The following SMAP1 variants were observed in gnomAD, a reference collection of about 807,000 sequenced individuals.
SMAP1 encodes stromal membrane-associated protein 1.
SMAP1 carries 24 observed loss-of-function variants against 58.5 expected under a neutral mutation model. The observed-to-expected ratio is 0.41, with a 90% confidence interval of 0.30 to 0.58. SMAP1 has a LOEUF of 0.58. Ranked by LOEUF, SMAP1 falls within the 20% of genes least tolerant of loss-of-function variation. The pLI is 0.29. For missense variants in SMAP1, 563 were observed against 566.3 expected (o/e 0.99, Z 0.06); for synonymous variants, 216 against 196.6 (o/e 1.10, Z -0.82).
chr6:70,813,599 C>CCT (rs1343736093), intron 6 of SMAP1, among the ~76,000 whole-genome samples: 2 of 151,962 alleles, frequency 1.3e-5, no homozygotes, highest in African/African-American at 2.4e-5. Context: ...CTACTCCCTC[C>CCT]CTCTCACCCA....
intron 7 of SMAP1, among the ~76,000 whole-genome samples, chr6:70,841,303 T>G (rs554253143): frequency 2.0e-5 from 3 of 152,294 alleles, no homozygotes; most frequent in Non-Finnish European, 4.4e-5. Flanking sequence ...GTGTACCACA[T>G]GCGCACTGCA....
intron 3 of SMAP1, among the ~76,000 whole-genome samples, chr6:70,762,601 A>G (rs1240990340): frequency 6.6e-6 from 1 of 152,084 alleles, no homozygotes; most frequent in Admixed American, 6.6e-5. Context: ...TCCTTGGGTG[A>G]CTCCATGGAA....
chr6:70,844,486 G>C (rs1052132079), intron 7 of SMAP1, among the ~76,000 whole-genome samples: 2 of 152,146 alleles, frequency 1.3e-5, no homozygotes, highest in Non-Finnish European at 2.9e-5. Flanking sequence ...TTTCCCTGCT[G>C]GCACAGTAGA....
At chr6:70,806,228 C>T (rs1317977594) in intron 6 of SMAP1, among the ~76,000 whole-genome samples, 1 of 152,214 alleles carries the variant, frequency 6.6e-6, no homozygotes, top group Non-Finnish European at 1.5e-5. Context: ...GATGCCTCTC[C>T]CCTGCCCAGC....
intron 7 of SMAP1, among the ~76,000 whole-genome samples, chr6:70,847,802 T>C (rs2150006443): frequency 6.6e-6 from 1 of 152,300 alleles, no homozygotes; most frequent in East Asian, 1.9e-4. Context: ...GGTGCATGTC[T>C]ACGGTGAATT....
At chr6:70,679,999 TATCTGTGGA>T (rs1766635507) in intron 1 of SMAP1, among the ~76,000 whole-genome samples, 2 of 152,178 alleles carry the variant, frequency 1.3e-5, no homozygotes, top group Admixed American at 6.5e-5. Flanking sequence ...AAGCTATAGT[TATCTGTGGA>T]ACATAATACG....
intron 6 of SMAP1, among the ~76,000 whole-genome samples, chr6:70,817,700 T>C (rs950132887): frequency 2.6e-5 from 4 of 152,186 alleles, no homozygotes; most frequent in African/African-American, 9.6e-5. Flanking sequence ...TCTTTGTTGA[T>C]TTTAAAGAGG....
chr6:70,789,583 T>G (rs1768248956), intron 4 of SMAP1, among the ~76,000 whole-genome samples: 1 of 146,700 alleles, frequency 6.8e-6, no homozygotes, highest in Admixed American at 6.7e-5. Flanking sequence ...TCATTTATTT[T>G]TCTTTTTTCT....
At chr6:70,691,207 C>G (rs1408240713) in intron 1 of SMAP1, among the ~76,000 whole-genome samples, 2 of 152,086 alleles carry the variant, frequency 1.3e-5, no homozygotes. Flanking sequence ...ATCAGCCATG[C>G]TAGAGATTTA....
At chr6:70,825,664 A>C (rs1400547145) in intron 6 of SMAP1, among the ~76,000 whole-genome samples, 1 of 152,242 alleles carries the variant, frequency 6.6e-6, no homozygotes, top group Non-Finnish European at 1.5e-5. Flanking sequence ...CAAGTTTAGC[A>C]GTACTGTAGC....
intron 2 of SMAP1, among the ~76,000 whole-genome samples, chr6:70,738,269 G>C (rs958128582): frequency 6.6e-6 from 1 of 152,094 alleles, no homozygotes; most frequent in African/African-American, 2.4e-5. Context: ...ATTATATCAT[G>C]GTTAGTGATG....
intron 1 of SMAP1, among the ~76,000 whole-genome samples, chr6:70,674,245 T>A (rs1766388284): frequency 6.6e-6 from 1 of 152,040 alleles, no homozygotes; most frequent in Non-Finnish European, 1.5e-5. Flanking sequence ...CTCAAGTAGC[T>A]GGGGCTACAG....
At chr6:70,699,029 C>G (rs1211289003) in intron 1 of SMAP1, among the ~76,000 whole-genome samples, 1 of 152,166 alleles carries the variant, frequency 6.6e-6, no homozygotes, top group African/African-American at 2.4e-5. Flanking sequence ...TGTCCTCATC[C>G]TTCTTGGGAA....
At chr6:70,839,672 A>T (rs1439148271) in intron 7 of SMAP1, among the ~76,000 whole-genome samples, 1 of 152,094 alleles carries the variant, frequency 6.6e-6, no homozygotes, top group East Asian at 1.9e-4. Context: ...CAAAGATAGG[A>T]GGAGTGGGAG....
intron 1 of SMAP1, among the ~76,000 whole-genome samples, chr6:70,680,722 T>TG (rs1193329891): frequency 1.4e-4 from 20 of 141,238 alleles, no homozygotes; most frequent in Non-Finnish European, 2.6e-4. Context: ...GTTTTTTTTT[T>TG]TTTTTTTTTT....
At chr6:70,680,126 A>ACAG (rs1766640294) in intron 1 of SMAP1, among the ~76,000 whole-genome samples, 1 of 151,934 alleles carries the variant, frequency 6.6e-6, no homozygotes, top group African/African-American at 2.4e-5. Context: ...AACAACAACA[A>ACAG]CAACAACAAC....
At chr6:70,812,592 A>C (rs1397450185) in intron 6 of SMAP1, among the ~76,000 whole-genome samples, 3 of 152,188 alleles carry the variant, frequency 2.0e-5, no homozygotes, top group African/African-American at 7.2e-5. Flanking sequence ...TGGAGACAGG[A>C]AAGAAATATT....
intron 4 of SMAP1, among the ~76,000 whole-genome samples, chr6:70,775,042 C>T (rs556567620): frequency 5.9e-4 from 90 of 151,470 alleles, no homozygotes; most frequent in African/African-American, 2.1e-3. Flanking sequence ...TTTCAAGTAT[C>T]ATTAGTGTGT....
intron 1 of SMAP1, among the ~76,000 whole-genome samples, chr6:70,729,386 C>T (rs901616793): frequency 6.6e-6 from 1 of 150,722 alleles, no homozygotes. Context: ...TTGCAGTGAG[C>T]CGAGATCACG....
Sources: gnomAD v4.1 joint callset for allele counts (sites outside exome capture counted in the v4.1 genomes callset) on GRCh38, gnomAD v4.1.1 for gene constraint, MANE v1.5 for transcripts, NCBI Gene and HGNC (gene_info 2026-07-23, HGNC 2026-07-21) for gene names.